Variants in FRMD4A observed in about 807,000 individuals in gnomAD.
FRMD4A encodes FERM domain containing 4A, also known as FERM domain-containing protein 4A.
FRMD4A carries 29 observed loss-of-function variants against 129.1 expected under a neutral mutation model. The observed-to-expected ratio is 0.22, with a 90% CI of 0.17 to 0.31. The LOEUF (loss-of-function observed/expected upper bound fraction) is 0.31. FRMD4A is among the 10% of genes least tolerant of loss of function. The pLI is 1.00. For missense variants in FRMD4A, 1,272 were observed against 1,375.8 expected (o/e 0.92, Z 1.19); for synonymous variants, 634 against 571.6 (o/e 1.11, Z -1.56).
intron 2 of FRMD4A, among the ~76,000 whole-genome samples, chr10:14,179,707 CA>C (rs1461181282): frequency 1.3e-5 from 2 of 152,324 alleles, no homozygotes; most frequent in East Asian, 3.9e-4. Flanking sequence ...AACATTCTTT[CA>C]AATTGTTTTT....
At chr10:13,965,059 C>T (rs1354197559) in intron 2 of FRMD4A, among the ~76,000 whole-genome samples, 1 of 137,772 alleles carries the variant, frequency 7.3e-6, no homozygotes, top group Non-Finnish European at 1.5e-5. Context: ...GGAATGACCA[C>T]TGGGCATTTT....
At chr10:13,986,769 ATTG>A (rs1261685502) in intron 2 of FRMD4A, among the ~76,000 whole-genome samples, 10 of 151,420 alleles carry the variant, frequency 6.6e-5, no homozygotes, top group Non-Finnish European at 1.0e-4. Context: ...GGGACTCAGT[ATTG>A]TTATTTTTGA....
intron 12 of FRMD4A, among the ~76,000 whole-genome samples, chr10:13,730,409 C>T (rs539634237): frequency 5.1e-4 from 78 of 152,096 alleles, no homozygotes; most frequent in Non-Finnish European, 9.3e-4. Context: ...GCCCGAAACC[C>T]GTGGGATACC....
At chr10:14,032,160 G>A (rs1833277172) in intron 2 of FRMD4A, among the ~76,000 whole-genome samples, 1 of 152,028 alleles carries the variant, frequency 6.6e-6, no homozygotes, top group East Asian at 1.9e-4. Context: ...TTCATGGATC[G>A]TGCAACCTGC....
intron 2 of FRMD4A, among the ~76,000 whole-genome samples, chr10:13,992,462 T>A (rs1042508328): frequency 1.3e-5 from 2 of 152,168 alleles, no homozygotes; most frequent in African/African-American, 2.4e-5. Context: ...CCCACCTCCA[T>A]GTCCTGCCTA....
intron 2 of FRMD4A, among the ~76,000 whole-genome samples, chr10:14,269,165 T>C (rs1344411515): frequency 2.6e-5 from 4 of 152,146 alleles, no homozygotes; most frequent in Non-Finnish European, 5.9e-5. Context: ...AAGGCAACTA[T>C]GTAGGCAGCA....
chr10:13,884,220 A>ACTCACACACACTCTCACACACACACT (rs2094591219), intron 2 of FRMD4A, among the ~76,000 whole-genome samples: 4 of 77,590 alleles, frequency 5.2e-5, no homozygotes, highest in East Asian at 5.7e-4. Context: ...ACACACACAC[A>ACTCACACACACTCTCACACACACACT]CACACACACA....
At chr10:14,169,282 A>G (rs547650906) in intron 2 of FRMD4A, among the ~76,000 whole-genome samples, 1 of 152,216 alleles carries the variant, frequency 6.6e-6, no homozygotes, top group South Asian at 2.1e-4. Flanking sequence ...ATTAGCCCCA[A>G]TTCCGTGAAT....
chr10:13,853,853 A>G (rs962598926), intron 3 of FRMD4A, among the ~76,000 whole-genome samples: 1 of 150,080 alleles, frequency 6.7e-6, no homozygotes, highest in Admixed American at 6.7e-5. Flanking sequence ...AAAAAAAAAA[A>G]CCCAAAAAGT....
At chr10:14,104,088 T>C (rs552155540) in intron 2 of FRMD4A, among the ~76,000 whole-genome samples, 9 of 152,308 alleles carry the variant, frequency 5.9e-5, no homozygotes, top group African/African-American at 2.2e-4. Flanking sequence ...GCTTCCCACA[T>C]TCCACCTGCC....
chr10:13,736,860 A>G (rs554605621), intron 12 of FRMD4A, among the ~76,000 whole-genome samples: 1 of 152,316 alleles, frequency 6.6e-6, no homozygotes, highest in East Asian at 1.9e-4. Flanking sequence ...ATATGTTTCC[A>G]TTATAATTTT....
chr10:14,181,967 T>C (rs1841928787), intron 2 of FRMD4A, among the ~76,000 whole-genome samples: 1 of 152,232 alleles, frequency 6.6e-6, no homozygotes, highest in Non-Finnish European at 1.5e-5. Context: ...CATGCTGGGA[T>C]TACAGACGTG....
Position 13,858,839 on chromosome 10 carries a change from C to A in FRMD4A, c.111+8G>T. Reference sequence around the variant, plus strand: ...AGAAACTCAGAAAGTTGACCAAAAGCGATTTACCTGTACTAGGAGTTCCAG... The same window carrying A: ...AGAAACTCAGAAAGTTGACCAAAAGAGATTTACCTGTACTAGGAGTTCCAG... On this transcript the variant is annotated splice_region_variant and intron_variant, in intron 3 of 24. Transcript: ENST00000357447. 6.4e-7 allele frequency: 1 copy of A among 1,559,612 alleles called. No homozygotes were observed. Among genetic ancestry groups the A allele is most frequent in the Non-Finnish European group, 8.8e-7 (1 of 1,130,362 alleles).
chr10:14,245,104 C>G (rs1257678517), intron 2 of FRMD4A, among the ~76,000 whole-genome samples: 1 of 152,180 alleles, frequency 6.6e-6, no homozygotes, highest in African/African-American at 2.4e-5. Flanking sequence ...GTACTAATGA[C>G]TCATCACAAG....
At chr10:13,793,435 G>T (rs1355100075) in intron 5 of FRMD4A, among the ~76,000 whole-genome samples, 1 of 152,084 alleles carries the variant, frequency 6.6e-6, no homozygotes, top group African/African-American at 2.4e-5. Context: ...CCCTCCGAAA[G>T]TACAGGCATG....
chr10:13,774,366 C>T (rs2092544172), intron 6 of FRMD4A, among the ~76,000 whole-genome samples: 1 of 152,084 alleles, frequency 6.6e-6, no homozygotes, highest in African/African-American at 2.4e-5. Context: ...GGAAAAATAG[C>T]AAAACAAAGC....
intron 2 of FRMD4A, among the ~76,000 whole-genome samples, chr10:13,862,380 C>T (rs574600026): frequency 2.0e-4 from 30 of 152,290 alleles, no homozygotes; most frequent in African/African-American, 5.8e-4. Context: ...TTTCCAAGCT[C>T]ACAAAGTTCA....
intron 2 of FRMD4A, among the ~76,000 whole-genome samples, chr10:14,141,807 G>A (rs968539976): frequency 2.2e-5 from 3 of 135,958 alleles, no homozygotes; most frequent in Admixed American, 7.1e-5. Flanking sequence ...AGAGGTGTAC[G>A]TGTGCACATG....
chr10:13,941,670 A>G (rs2095293646), intron 2 of FRMD4A, among the ~76,000 whole-genome samples: 1 of 152,212 alleles, frequency 6.6e-6, no homozygotes, highest in South Asian at 2.1e-4. Context: ...GCCCTCAGAC[A>G]GAAGGGCAGG....
Sources: allele counts gnomAD v4.1 joint callset (sites outside exome capture counted in the v4.1 genomes callset), GRCh38; gene constraint gnomAD v4.1.1; transcripts MANE v1.5; gene names NCBI Gene and HGNC (gene_info 2026-07-23, HGNC 2026-07-21).